The following SIK3 variants were observed in gnomAD, a reference collection of about 807,000 sequenced individuals.
The protein encoded by SIK3 is serine/threonine-protein kinase SIK3.
A neutral mutation model predicts 144.2 loss-of-function variants in SIK3; 28 were observed. That is an observed-to-expected ratio of 0.19 (90% CI 0.14 to 0.27). SIK3 has a LOEUF of 0.27. SIK3 is among the 10% of genes least tolerant of loss of function. The pLI is 1.00. For missense variants in SIK3, 1,319 were observed against 1,776.0 expected, an observed-to-expected ratio of 0.74 and a Z score of 4.62; for synonymous variants, 686 against 676.3, an observed-to-expected ratio of 1.01 and a Z score of -0.22.
intron 4 of SIK3, among the ~76,000 whole-genome samples, chr11:116,921,766 G>A (rs572135947): frequency 6.6e-6 from 1 of 152,266 alleles, no homozygotes; most frequent in East Asian, 1.9e-4. Flanking sequence ...GTTTGCTACT[G>A]CCATTAAGAA....
chr11:116,861,642 C>T (rs1565375031), intron 18 of SIK3, among the ~76,000 whole-genome samples, 199 bp downstream of exon 18: 1 of 152,164 alleles, frequency 6.6e-6, no homozygotes, highest in African/African-American at 2.4e-5. Context: ...GATTACTTTG[C>T]TCATGGGGCT....
At chr11:116,983,792 A>G (rs1472499758) in intron 1 of SIK3, among the ~76,000 whole-genome samples, 2 of 152,058 alleles carry the variant, frequency 1.3e-5, no homozygotes, top group East Asian at 3.9e-4. Flanking sequence ...AAAGCAAAGC[A>G]AAGGAAGGCC....
chr11:117,004,865 T>C (rs1360646753), intron 1 of SIK3, among the ~76,000 whole-genome samples: 2 of 151,942 alleles, frequency 1.3e-5, no homozygotes, highest in African/African-American at 2.4e-5. Flanking sequence ...AACAAAGAGG[T>C]CCCAAAACCA....
chr11:116,870,152 T>C (rs1237002849), intron 14 of SIK3, 179 bp downstream of exon 14: 1 of 1,533,158 alleles, frequency 6.5e-7, no homozygotes. Context: ...GAAATGACAT[T>C]TTCTGGGTAG....
rs1163171454 is a variant in SIK3 at position 116,844,635 on chromosome 11, T to TATTA, written c.*1007_*1008insTAAT. 1 of 9,728 alleles carries TATTA rather than the reference T, an allele frequency of 1.0e-4. No individual in the cohort carries two copies. The highest frequency in any genetic ancestry group is 2.8e-4 in the Non-Finnish European group (1 of 3,598). The allele number at this position is 9,728 out of a possible 1,614,324, so 0.6% of individuals were successfully genotyped here. On this transcript the variant is annotated 3_prime_UTR_variant, in exon 25 of 25. Coordinates refer to ENST00000445177, the MANE Select transcript of SIK3 (RefSeq NM_001366686.3). ...ATATATATAATATATATATAATATA[T>TATTA]TATATTATATATTATATATATAATA... is the stretch of plus-strand genomic sequence containing the variant.
rs1472358615 is a variant in SIK3 at position 116,849,980 on chromosome 11, C to T, written c.3656-697G>A. ...ATGTAACACTTACCATGTCCAATTCCAAACCCATCCACTTCCCCCATAACC... is the reference window on the plus strand; with the variant it reads ...ATGTAACACTTACCATGTCCAATTCTAAACCCATCCACTTCCCCCATAACC... On this transcript the variant is annotated intron_variant, in intron 21 of 24. Coordinates refer to ENST00000445177, the MANE Select transcript of SIK3 (RefSeq NM_001366686.3). The surrounding 1 kb of genome is among the most constrained non-coding windows in gnomAD (Gnocchi z 4.2). Among the ~76,000 whole-genome samples, 1 of 152,194 alleles carries T rather than the reference C, an allele frequency of 6.6e-6. No homozygotes were observed. Among genetic ancestry groups the T allele is most frequent in the East Asian group, 1.9e-4 (1 of 5,196 alleles).
At chr11:116,915,169 T>TGTGTGTGTG (rs1555093415) in intron 4 of SIK3, among the ~76,000 whole-genome samples, 6 of 151,276 alleles carry the variant, frequency 4.0e-5, no homozygotes, top group South Asian at 2.1e-4. Context: ...TGTATGTGTA[T>TGTGTGTGTG]TTTTTCTTTT....
At chr11:116,964,879 T>A (rs944109329) in intron 1 of SIK3, among the ~76,000 whole-genome samples, 2 of 147,860 alleles carry the variant, frequency 1.4e-5, no homozygotes, top group African/African-American at 2.6e-5. Context: ...CGAAACTCCA[T>A]CTCAAAAATA....
chr11:116,886,161 G>T (rs1194975704), intron 6 of SIK3, among the ~76,000 whole-genome samples: 1 of 152,166 alleles, frequency 6.6e-6, no homozygotes, highest in African/African-American at 2.4e-5. Flanking sequence ...AACACGGCTG[G>T]CCTGTTTCAC....
chr11:117,017,260 AT>A (rs768749344), intron 1 of SIK3, among the ~76,000 whole-genome samples: 4 of 152,224 alleles, frequency 2.6e-5, no homozygotes, highest in Non-Finnish European at 4.4e-5. Context: ...CTCTAAAAAA[AT>A]AATAATAAAT....
At chr11:116,967,613 G>T (rs1169724551) in intron 1 of SIK3, among the ~76,000 whole-genome samples, 2 of 152,326 alleles carry the variant, frequency 1.3e-5, no homozygotes, top group East Asian at 1.9e-4. Flanking sequence ...ATTTGACAAT[G>T]AAGACTAAGG....
chr11:117,049,296 A>G (rs2135899827), intron 1 of SIK3, among the ~76,000 whole-genome samples: 1 of 152,136 alleles, frequency 6.6e-6, no homozygotes, highest in East Asian at 1.9e-4. Context: ...GATACTTTCC[A>G]TCTGGACGCA....
chr11:117,042,544 A>C (rs1252374450), intron 1 of SIK3, among the ~76,000 whole-genome samples: 1 of 152,194 alleles, frequency 6.6e-6, no homozygotes, highest in East Asian at 1.9e-4. Context: ...AAAAACAATG[A>C]GGATAAACTT....
intron 15 of SIK3, 95 bp from the exon 16 acceptor site, chr11:116,863,913 T>C: frequency 7.5e-7 from 1 of 1,341,710 alleles, no homozygotes; most frequent in Non-Finnish European, 1.0e-6. Context: ...TAAAGACGGC[T>C]GGCTGCCCAG....
chr11:117,068,945 G>A (rs1295521335), intron 1 of SIK3, among the ~76,000 whole-genome samples: 1 of 152,112 alleles, frequency 6.6e-6, no homozygotes, highest in Non-Finnish European at 1.5e-5. Context: ...TGGGTAGTAT[G>A]ACTCCTACCC....
chr11:116,888,110 T>C (rs1018063717), intron 6 of SIK3, among the ~76,000 whole-genome samples: 1 of 152,222 alleles, frequency 6.6e-6, no homozygotes, highest in Non-Finnish European at 1.5e-5. Flanking sequence ...GGAATTCAAC[T>C]TGGCTAGAAG....
At chr11:116,913,905 TAAAC>T (rs149566815) in intron 4 of SIK3, among the ~76,000 whole-genome samples, 12,558 of 151,424 alleles carry the variant, frequency 0.083, 643 homozygotes, top group African/African-American at 0.14. Flanking sequence ...AACAAACAAA[TAAAC>T]AAAAAACCAC....
chr11:116,867,843 C>G lies in SIK3; in HGVS notation c.1952+103G>C. 1.7e-6 allele frequency: 2 copies of G among 1,210,064 alleles called. No individual in the cohort carries two copies. The highest frequency in any genetic ancestry group is 1.1e-6 in the Non-Finnish European group (1 of 889,698). 75.0% of individuals were successfully genotyped at this position (1,210,064 alleles called of 1,614,324 possible). On this transcript the variant is annotated intron_variant, in intron 15 of 24. Transcript: ENST00000445177. This position sits in a 1 kb window ranked among gnomAD's most constrained non-coding sequence, Gnocchi z 4.1. ...GTGAGTTCAGGATGACAGCTGGCTT[C>G]TATTTAAAGCCACGATGCTAGTCAC...
chr11:117,070,774 C>T (rs1276649137), intron 1 of SIK3, among the ~76,000 whole-genome samples: 3 of 113,706 alleles, frequency 2.6e-5, no homozygotes, highest in East Asian at 2.5e-4. Context: ...TTTTTTGTGA[C>T]GAAGTTTCAC....
Sources: gnomAD v4.1 joint callset for allele counts (sites outside exome capture counted in the v4.1 genomes callset) on GRCh38, gnomAD v4.1.1 for gene constraint, Gnocchi (gnomAD v3.1) non-coding constraint, MANE v1.5 for transcripts, NCBI Gene and HGNC (gene_info 2026-07-23, HGNC 2026-07-21) for gene names.